DRC11: variants seen among roughly 807,000 people sequenced by gnomAD.
DRC11 encodes IQ and AAA domain-containing protein 1.
the DRC11 span, among the ~76,000 whole-genome samples, chr2:236,383,194 T>C: frequency 1.3e-5 from 2 of 152,214 alleles, no homozygotes; most frequent in Admixed American, 1.3e-4. Flanking sequence ...TGTATATTTC[T>C]AAGAATGTAT....
the DRC11 span, among the ~76,000 whole-genome samples, chr2:236,492,748 A>C: frequency 6.6e-6 from 1 of 152,208 alleles, no homozygotes; most frequent in Admixed American, 6.5e-5. Flanking sequence ...AAGGGTGGGA[A>C]GAAGACTCCC....
At chr2:236,367,991 G>A in the DRC11 span, 1 of 601,664 alleles carries the variant, frequency 1.7e-6, no homozygotes. The surrounding 1 kb of genome is among the most constrained non-coding windows in gnomAD (Gnocchi z 4.8). Context: ...GGCACGCAGA[G>A]AGGGTGCAGA....
chr2:236,464,216 C>T, the DRC11 span, among the ~76,000 whole-genome samples: 1 of 152,204 alleles, frequency 6.6e-6, no homozygotes, highest in Non-Finnish European at 1.5e-5. Flanking sequence ...AGCTTAGAGG[C>T]TGCCTGCCAC....
At chr2:236,314,850 A>G in the DRC11 span, among the ~76,000 whole-genome samples, 1 of 152,236 alleles carries the variant, frequency 6.6e-6, no homozygotes, top group African/African-American at 2.4e-5. The surrounding 1 kb of genome is among the most constrained non-coding windows in gnomAD (Gnocchi z 4.5). Context: ...GGAAAACTCA[A>G]TAATGTAAAG....
At chr2:236,378,140 C>T in the DRC11 span, among the ~76,000 whole-genome samples, 1 of 152,000 alleles carries the variant, frequency 6.6e-6, no homozygotes, top group Non-Finnish European at 1.5e-5. Context: ...ATCCAATGAC[C>T]CTAGTCTTTG....
chr2:236,445,036 C>A, the DRC11 span, among the ~76,000 whole-genome samples: 1 of 152,174 alleles, frequency 6.6e-6, no homozygotes, highest in Non-Finnish European at 1.5e-5. The surrounding 1 kb of genome is among the most constrained non-coding windows in gnomAD (Gnocchi z 4.8). Context: ...TAGAGAGAAA[C>A]CATGAATACA....
At chr2:236,489,122 TGGGTGCATGCTGGGGCCTTTATGGGCTCC>T in the DRC11 span, among the ~76,000 whole-genome samples, 2 of 101,890 alleles carry the variant, frequency 2.0e-5, no homozygotes, top group Non-Finnish European at 3.9e-5. Flanking sequence ...GTGTGGGCTC[TGGGTGCATGCTGGGGCCTTTATGGGCTCC>T]GGGTGCATGC....
chr2:236,439,735 A>G, the DRC11 span, among the ~76,000 whole-genome samples: 21 of 152,300 alleles, frequency 1.4e-4, no homozygotes, highest in Non-Finnish European at 2.6e-4. Context: ...TATAATGTCC[A>G]GGGAAATATT....
At chr2:236,422,255 G>A in the DRC11 span, among the ~76,000 whole-genome samples, 3 of 152,186 alleles carry the variant, frequency 2.0e-5, no homozygotes, top group Admixed American at 1.3e-4. Context: ...TAGGAAAAGA[G>A]GAAGTCAAAT....
chr2:236,394,064 C>T, the DRC11 span, among the ~76,000 whole-genome samples: 1 of 151,816 alleles, frequency 6.6e-6, no homozygotes, highest in Non-Finnish European at 1.5e-5. The surrounding 1 kb of genome is among the most constrained non-coding windows in gnomAD (Gnocchi z 7.0). Flanking sequence ...AGTTTAGCCC[C>T]AAATAGTTGC....
At chr2:236,422,888 A>C in the DRC11 span, among the ~76,000 whole-genome samples, 1 of 152,034 alleles carries the variant, frequency 6.6e-6, no homozygotes, top group Non-Finnish European at 1.5e-5. Flanking sequence ...AGCCCTCAGA[A>C]ATAATGCCGC....
At chr2:236,413,771 A>G in the DRC11 span, among the ~76,000 whole-genome samples, 2 of 152,240 alleles carry the variant, frequency 1.3e-5, no homozygotes, top group African/African-American at 4.8e-5. The surrounding 1 kb of genome is among the most constrained non-coding windows in gnomAD (Gnocchi z 4.0). Context: ...TCATGTTATG[A>G]CAGGTCAATA....
the DRC11 span, among the ~76,000 whole-genome samples, chr2:236,336,600 T>A: frequency 3.3e-5 from 5 of 151,892 alleles, no homozygotes; most frequent in Non-Finnish European, 7.4e-5. This position sits in a 1 kb window ranked among gnomAD's most constrained non-coding sequence, Gnocchi z 7.3. Context: ...CACACCACCA[T>A]CAACACAGTC....
At chr2:236,350,568 C>G in the DRC11 span, among the ~76,000 whole-genome samples, 4 of 152,344 alleles carry the variant, frequency 2.6e-5, no homozygotes, top group Non-Finnish European at 4.4e-5. This position sits in a 1 kb window ranked among gnomAD's most constrained non-coding sequence, Gnocchi z 5.2. Context: ...ACAGATGAGG[C>G]TGCTGAGGCA....
the DRC11 span, chr2:236,507,265 C>T: frequency 1.2e-6 from 2 of 1,614,046 alleles, no homozygotes; most frequent in Admixed American, 3.3e-5. Context: ...ACGCGTTCGA[C>T]ATTGCTGGCT....
chr2:236,317,287 T>A, the DRC11 span, among the ~76,000 whole-genome samples: 1 of 149,880 alleles, frequency 6.7e-6, no homozygotes, highest in Non-Finnish European at 1.5e-5. This position sits in a 1 kb window ranked among gnomAD's most constrained non-coding sequence, Gnocchi z 5.4. Context: ...AGAGTGAGAT[T>A]CCATATCGGG....
the DRC11 span, among the ~76,000 whole-genome samples, chr2:236,378,517 A>G: frequency 6.6e-6 from 1 of 152,000 alleles, no homozygotes; most frequent in East Asian, 1.9e-4. Context: ...TACTAAAAAT[A>G]CAAAAAAATT....
the DRC11 span, chr2:236,486,838 G>A: frequency 1.2e-6 from 2 of 1,609,122 alleles, no homozygotes; most frequent in Non-Finnish European, 1.7e-6. The surrounding 1 kb of genome is among the most constrained non-coding windows in gnomAD (Gnocchi z 5.7). Flanking sequence ...CCATACCCAG[G>A]AAGATCATCT....
the DRC11 span, among the ~76,000 whole-genome samples, chr2:236,347,442 A>G: frequency 6.6e-6 from 1 of 151,150 alleles, no homozygotes; most frequent in Non-Finnish European, 1.5e-5. Context: ...CATGCAGCAC[A>G]ATGCACAATT....
Sources: allele counts gnomAD v4.1 joint callset (sites outside exome capture counted in the v4.1 genomes callset), GRCh38; gene constraint gnomAD v4.1.1; non-coding constraint Gnocchi (gnomAD v3.1); transcripts MANE v1.5; gene names NCBI Gene and HGNC (gene_info 2026-07-23, HGNC 2026-07-21).